Variants in CHRM3 observed in about 807,000 individuals in gnomAD.
CHRM3 encodes the protein muscarinic acetylcholine receptor M3.
CHRM3 carries 11 observed loss-of-function variants against 41.8 expected under a neutral mutation model. The ratio of observed to expected loss-of-function variants is 0.26; its 90% CI spans 0.17 to 0.44. The LOEUF (loss-of-function observed/expected upper bound fraction) is 0.44. CHRM3 is among the 20% of genes least tolerant of loss of function. The probability of loss-of-function intolerance (pLI) is 1.00; values close to 1 mark genes in which losing one functional copy is unlikely to be tolerated. For missense variants in CHRM3, 571 were observed against 745.4 expected (o/e 0.77, Z 2.72); for synonymous variants, 297 against 301.4 (o/e 0.99, Z 0.15).
intron 3 of CHRM3, among the ~76,000 whole-genome samples, chr1:239,603,694 A>G (rs1281029851): frequency 6.6e-6 from 1 of 152,016 alleles, no homozygotes; most frequent in African/African-American, 2.4e-5. Context: ...ACCTTATATG[A>G]TTCGCTCACA....
chr1:239,612,661 C>T (rs1470965823), intron 3 of CHRM3, among the ~76,000 whole-genome samples: 1 of 152,210 alleles, frequency 6.6e-6, no homozygotes, highest in Non-Finnish European at 1.5e-5. Context: ...TCCAGGCTTT[C>T]TTTCCCATTC....
intron 1 of CHRM3, among the ~76,000 whole-genome samples, chr1:239,411,640 G>A (rs1364899473): frequency 7.3e-6 from 1 of 137,604 alleles, no homozygotes; most frequent in Non-Finnish European, 1.5e-5. Flanking sequence ...CAGGACAATC[G>A]CTTGAACCCG....
intron 2 of CHRM3, among the ~76,000 whole-genome samples, chr1:239,499,596 C>T (rs1376037359): frequency 6.6e-6 from 1 of 152,192 alleles, no homozygotes; most frequent in Non-Finnish European, 1.5e-5. Flanking sequence ...ATGTGCTCTT[C>T]TTGAACTCGG....
chr1:239,588,446 A>C (rs1663664747), intron 3 of CHRM3, among the ~76,000 whole-genome samples: 1 of 152,208 alleles, frequency 6.6e-6, no homozygotes, highest in South Asian at 2.1e-4. Flanking sequence ...AATGCTCATT[A>C]ATTCAATGTA....
intron 5 of CHRM3, among the ~76,000 whole-genome samples, chr1:239,749,192 C>A (rs930426610): frequency 3.9e-5 from 6 of 152,164 alleles, no homozygotes; most frequent in African/African-American, 1.4e-4. Flanking sequence ...TACCTTTTAA[C>A]CCTTGACAAC....
intron 3 of CHRM3, chr1:239,606,020 A>T (rs750967162): frequency 2.0e-5 from 3 of 152,102 alleles, no homozygotes; most frequent in Non-Finnish European, 4.4e-5. Context: ...AGTGTACTTG[A>T]CCAGAGGATT....
intron 6 of CHRM3, among the ~76,000 whole-genome samples, chr1:239,866,250 A>T (rs1032042713): frequency 1.3e-5 from 2 of 151,854 alleles, no homozygotes; most frequent in Non-Finnish European, 2.9e-5. Flanking sequence ...GGTGGCGGGC[A>T]CCTGTAGTCC....
rs138716510 is a variant in CHRM3 at position 239,591,850 on chromosome 1, T to C, written c.-312-40374T>C. 2.7e-3 allele frequency among the ~76,000 whole-genome samples: 415 copies of C among 152,280 alleles called. 7 individuals are homozygous for C. The East Asian group carries it at 0.032, about 12-fold the overall frequency. On this transcript the variant is annotated intron_variant, in intron 3 of 6. Transcript: ENST00000676153. ...AAAGTGATAGCATTTTGTTTATTTT[T>C]ATAAGGAAGAAGGGTGTCATTTCTA...
intron 5 of CHRM3, among the ~76,000 whole-genome samples, chr1:239,798,843 A>AT (rs1215243668): frequency 6.6e-6 from 1 of 152,216 alleles, no homozygotes; most frequent in Non-Finnish European, 1.5e-5. Context: ...TGTCAATCAT[A>AT]TGCAAAGACC....
chr1:239,640,651 TC>T, intron 4 of CHRM3, among the ~76,000 whole-genome samples: 1 of 150,090 alleles, frequency 6.7e-6, no homozygotes, highest in African/African-American at 2.4e-5. Context: ...TTGATCCTTC[TC>T]TCTTTTTTTC....
At chr1:239,530,054 T>C (rs565941637) in intron 2 of CHRM3, among the ~76,000 whole-genome samples, 13 of 152,158 alleles carry the variant, frequency 8.5e-5, no homozygotes, top group South Asian at 6.2e-4. Flanking sequence ...CCCGCCACCA[T>C]GCCCAGCTAA....
At chr1:239,403,716 G>A (rs1660172774) in intron 1 of CHRM3, among the ~76,000 whole-genome samples, 1 of 151,946 alleles carries the variant, frequency 6.6e-6, no homozygotes, top group Non-Finnish European at 1.5e-5. Flanking sequence ...CACTTGGAAA[G>A]CTTTCAATCA....
chr1:239,848,977 T>C (rs1239884137), intron 6 of CHRM3, among the ~76,000 whole-genome samples: 1 of 152,184 alleles, frequency 6.6e-6, no homozygotes, highest in Non-Finnish European at 1.5e-5. Context: ...GTATAGAGTT[T>C]AAATAGATAT....
chr1:239,790,753 T>G (rs541533474), intron 5 of CHRM3, among the ~76,000 whole-genome samples: 1 of 152,316 alleles, frequency 6.6e-6, no homozygotes, highest in South Asian at 2.1e-4. Flanking sequence ...TGACCTCTTT[T>G]ACAGAATATT....
chr1:239,644,381 G>A (rs1671546853), intron 4 of CHRM3, among the ~76,000 whole-genome samples: 1 of 152,100 alleles, frequency 6.6e-6, no homozygotes, highest in African/African-American at 2.4e-5. Context: ...TTCCCCCAGG[G>A]TCCTCAGCCT....
chr1:239,478,308 A>T (rs542439981), intron 1 of CHRM3, among the ~76,000 whole-genome samples: 24 of 152,280 alleles, frequency 1.6e-4, no homozygotes, highest in African/African-American at 5.8e-4. Context: ...TTTCTGGGAG[A>T]ATATGTTGTT....
chr1:239,560,927 G>T (rs959830572), intron 3 of CHRM3, among the ~76,000 whole-genome samples: 4 of 151,674 alleles, frequency 2.6e-5, no homozygotes, highest in African/African-American at 9.7e-5. Flanking sequence ...CCTTTCCCAG[G>T]CTTCACTCCT....
chr1:239,824,661 T>G (rs1672314151), intron 5 of CHRM3, among the ~76,000 whole-genome samples: 1 of 152,222 alleles, frequency 6.6e-6, no homozygotes, highest in Non-Finnish European at 1.5e-5. Context: ...AAGTCAGCCT[T>G]GTAAAACAGA....
At chr1:239,526,943 A>C (rs1016147041) in intron 2 of CHRM3, among the ~76,000 whole-genome samples, 1 of 152,048 alleles carries the variant, frequency 6.6e-6, no homozygotes, top group Non-Finnish European at 1.5e-5. Context: ...CAATATAGGG[A>C]GACCCTGTCT....
Sources: gnomAD v4.1 joint callset for allele counts (sites outside exome capture counted in the v4.1 genomes callset) on GRCh38, gnomAD v4.1.1 for gene constraint, MANE v1.5 for transcripts, NCBI Gene and HGNC (gene_info 2026-07-23, HGNC 2026-07-21) for gene names.